IMMP2L: variants seen among roughly 807,000 people sequenced by gnomAD.
IMMP2L encodes the protein mitochondrial inner membrane protease subunit 2.
Under a neutral mutation model 19.3 loss-of-function variants are expected in IMMP2L, and 18 were observed. The ratio of observed to expected loss-of-function variants is 0.93; its 90% CI spans 0.64 to 1.38. The LOEUF is 1.38. IMMP2L is among the 40% of genes most tolerant of loss of function. IMMP2L has a pLI of 0.00. For synonymous variants in IMMP2L, 76 were observed against 73.0 expected (o/e 1.04, Z -0.21); for missense variants, 233 against 218.2 (o/e 1.07, Z -0.43).
chr7:111,295,985 T>TAAAAAAAAAAA (rs3052106), intron 3 of IMMP2L, among the ~76,000 whole-genome samples: 1 of 136,314 alleles, frequency 7.3e-6, no homozygotes, highest in Non-Finnish European at 1.6e-5. Context: ...GAAAGAATGT[T>TAAAAAAAAAAA]AAAAAAAAAA....
intron 5 of IMMP2L, among the ~76,000 whole-genome samples, chr7:110,838,955 T>G (rs1804780296): frequency 6.6e-6 from 1 of 152,134 alleles, no homozygotes; most frequent in South Asian, 2.1e-4. Flanking sequence ...TCCATGAATA[T>G]TCAACACTTT....
At chr7:111,373,021 G>A (rs777181795) in intron 3 of IMMP2L, among the ~76,000 whole-genome samples, 5 of 151,772 alleles carry the variant, frequency 3.3e-5, no homozygotes, top group African/African-American at 9.7e-5. Flanking sequence ...TTTTAATTAC[G>A]GAGGATTAAG....
At chr7:111,446,366 A>G (rs6960070) in intron 3 of IMMP2L, among the ~76,000 whole-genome samples, 86,037 of 130,032 alleles carry the variant, frequency 0.66, 28,882 homozygotes, top group African/African-American at 0.77. Flanking sequence ...ATCTGAGAAC[A>G]GGCAGACTGC....
At chr7:110,849,683 T>G (rs1806007526) in intron 5 of IMMP2L, among the ~76,000 whole-genome samples, 1 of 152,126 alleles carries the variant, frequency 6.6e-6, no homozygotes, top group African/African-American at 2.4e-5. Flanking sequence ...AAATAGATGC[T>G]ACCTTACACT....
At chr7:110,807,297 A>C (rs1454039521) in intron 5 of IMMP2L, among the ~76,000 whole-genome samples, 1 of 151,994 alleles carries the variant, frequency 6.6e-6, no homozygotes, top group African/African-American at 2.4e-5. Context: ...CAGTATGTTC[A>C]TTCTTATTCT....
At chr7:111,335,223 T>C (rs959425810) in intron 3 of IMMP2L, among the ~76,000 whole-genome samples, 9 of 152,114 alleles carry the variant, frequency 5.9e-5, no homozygotes, top group African/African-American at 2.2e-4. Flanking sequence ...TTGGAACAGA[T>C]CTTACATATT....
intron 5 of IMMP2L, among the ~76,000 whole-genome samples, chr7:110,672,099 C>T (rs1301384735): frequency 6.6e-6 from 1 of 151,966 alleles, no homozygotes; most frequent in African/African-American, 2.4e-5. Flanking sequence ...TAAAGACATA[C>T]CCAAGACTGG....
intron 3 of IMMP2L, among the ~76,000 whole-genome samples, chr7:111,260,573 C>T (rs1817210345): frequency 1.3e-5 from 2 of 151,984 alleles, no homozygotes; most frequent in South Asian, 2.1e-4. Flanking sequence ...TGGGATGGCA[C>T]CTATAAGGTA....
intron 3 of IMMP2L, among the ~76,000 whole-genome samples, chr7:111,128,719 G>A (rs942664390): frequency 3.3e-5 from 5 of 152,128 alleles, no homozygotes; most frequent in Admixed American, 2.6e-4. Flanking sequence ...CAGCTACTCG[G>A]GGGCCTGAGG....
At chr7:111,317,499 T>C (rs573272315) in intron 3 of IMMP2L, among the ~76,000 whole-genome samples, 3 of 152,260 alleles carry the variant, frequency 2.0e-5, no homozygotes, top group Admixed American at 2.0e-4. Flanking sequence ...TCCCTAGATA[T>C]TCAGTATTTT....
At chr7:110,699,881 A>G (rs1441545609) in intron 5 of IMMP2L, among the ~76,000 whole-genome samples, 1 of 152,158 alleles carries the variant, frequency 6.6e-6, no homozygotes, top group Non-Finnish European at 1.5e-5. Flanking sequence ...AAACCATGTT[A>G]TAAGCAGCCT....
At chr7:111,132,764 C>A (rs2129594517) in intron 3 of IMMP2L, among the ~76,000 whole-genome samples, 1 of 152,074 alleles carries the variant, frequency 6.6e-6, no homozygotes, top group Admixed American at 6.5e-5. Flanking sequence ...CACCATCAAA[C>A]TTATCTGTGT....
chr7:111,279,187 A>C (rs2130556546), intron 3 of IMMP2L, among the ~76,000 whole-genome samples: 1 of 152,290 alleles, frequency 6.6e-6, no homozygotes, highest in Non-Finnish European at 1.5e-5. Context: ...CAGATTTTCA[A>C]AATTGGGTAA....
intron 3 of IMMP2L, among the ~76,000 whole-genome samples, chr7:111,203,823 C>T (rs1810421155): frequency 6.6e-6 from 1 of 151,794 alleles, no homozygotes; most frequent in Admixed American, 6.6e-5. Context: ...AGATAGCTCT[C>T]AAATATTTGA....
chr7:110,819,417 A>G (rs1218868340), intron 5 of IMMP2L, among the ~76,000 whole-genome samples: 1 of 152,054 alleles, frequency 6.6e-6, no homozygotes, highest in Non-Finnish European at 1.5e-5. Flanking sequence ...GCTGAAGTGC[A>G]GAAATGTCCC....
intron 3 of IMMP2L, among the ~76,000 whole-genome samples, chr7:111,059,261 C>T (rs1001942853): frequency 6.6e-6 from 1 of 152,184 alleles, no homozygotes; most frequent in Non-Finnish European, 1.5e-5. Context: ...GGATTACAGG[C>T]ATGAGCCACC....
intron 3 of IMMP2L, among the ~76,000 whole-genome samples, chr7:111,035,512 G>A (rs1306315406): frequency 6.6e-6 from 1 of 152,214 alleles, no homozygotes; most frequent in African/African-American, 2.4e-5. Context: ...CTACATATGT[G>A]ATCAACTACA....
At chr7:111,477,386 T>C (rs1446808591) in intron 3 of IMMP2L, among the ~76,000 whole-genome samples, 1 of 152,150 alleles carries the variant, frequency 6.6e-6, no homozygotes, top group African/African-American at 2.4e-5. Context: ...TGAAGTCCAA[T>C]AGAACAATTG....
intron 4 of IMMP2L, among the ~76,000 whole-genome samples, chr7:110,953,071 C>G (rs1468600176): frequency 6.6e-6 from 1 of 152,088 alleles, no homozygotes; most frequent in Non-Finnish European, 1.5e-5. Flanking sequence ...GGGGAACTCC[C>G]CACAGATAAA....
Sources: gnomAD v4.1 joint callset for allele counts (sites outside exome capture counted in the v4.1 genomes callset) on GRCh38, gnomAD v4.1.1 for gene constraint, MANE v1.5 for transcripts, NCBI Gene and HGNC (gene_info 2026-07-23, HGNC 2026-07-21) for gene names.